SYNE3: variants seen among roughly 807,000 people sequenced by gnomAD.
The protein encoded by SYNE3 is nesprin-3.
A neutral mutation model predicts 111.2 loss-of-function variants in SYNE3; 100 were observed. That is an observed-to-expected ratio of 0.90 (90% CI 0.77 to 1.06). The LOEUF (loss-of-function observed/expected upper bound fraction) is 1.06. Among genes scored for constraint, SYNE3 ranks in the 50% least tolerant of loss-of-function variants. The pLI is 0.00. For synonymous variants in SYNE3, 547 were observed against 533.9 expected (o/e 1.02, Z -0.34); for missense variants, 1,160 against 1,240.3 (o/e 0.94, Z 0.97).
intron 17 of SYNE3, among the ~76,000 whole-genome samples, chr14:95,430,174 G>C (rs770667847): frequency 2.4e-4 from 36 of 152,204 alleles, no homozygotes; most frequent in Non-Finnish European, 4.3e-4. Flanking sequence ...CTATGTGCTA[G>C]GCACCATGGC....
chr14:95,419,107 T>TG (rs1753002191), intron 17 of SYNE3, among the ~76,000 whole-genome samples: 1 of 152,240 alleles, frequency 6.6e-6, no homozygotes, highest in Admixed American at 6.5e-5. Flanking sequence ...CTGGAGGGAC[T>TG]GGCCAGGTTG....
rs1279290612 is a variant in SYNE3, at chr14:95,457,320, C to T, written c.646G>A (p.Glu216Lys). The T allele has an allele frequency of 5.6e-6, 9 of 1,611,134 alleles. No individual in the cohort carries two copies. Among genetic ancestry groups the T allele is most frequent in the Non-Finnish European group, 7.6e-6 (9 of 1,178,522 alleles). The change falls in exon 5 of 18, where the codon GAG (glutamate) becomes AAG (lysine). Residue 216 changes from glutamate to lysine, a missense_variant. Physicochemically the swap from Glu to Lys is moderately conservative, Grantham distance 56. Coordinates refer to ENST00000682763, the MANE Select transcript of SYNE3 (RefSeq NM_152592.6). ...AKAQKRVDLL[E>K]QVAREHEEYQ... ...TCCTCATGCTCCCGGGCCACCTGCT[C>T]CAGCAGATCTACACGCTTCTGTGGG...
intron 17 of SYNE3, among the ~76,000 whole-genome samples, chr14:95,430,553 G>A (rs1318294913): frequency 1.3e-5 from 2 of 152,246 alleles, no homozygotes; most frequent in Non-Finnish European, 2.9e-5. Flanking sequence ...GCTGGGTGCA[G>A]TGGCTCATGC....
chr14:95,516,435 C>A (rs1010366521), intron 1 of SYNE3, among the ~76,000 whole-genome samples, 161 bp downstream of exon 1: 2 of 152,000 alleles, frequency 1.3e-5, no homozygotes, highest in East Asian at 1.9e-4. Context: ...GGGGCCCCCG[C>A]CCCCGCGCCG....
intron 1 of SYNE3, among the ~76,000 whole-genome samples, chr14:95,507,151 T>C (rs1210913947): frequency 6.6e-6 from 1 of 152,194 alleles, no homozygotes; most frequent in Non-Finnish European, 1.5e-5. Flanking sequence ...GGGTCCTTCC[T>C]GGTGCCCCGC....
intron 1 of SYNE3, among the ~76,000 whole-genome samples, chr14:95,477,557 G>GC (rs1375083861): frequency 6.6e-6 from 1 of 152,198 alleles, no homozygotes; most frequent in Non-Finnish European, 1.5e-5. Context: ...CCCAGGCCCT[G>GC]CACGGGGCCA....
At position 95,440,203 on chromosome 14, in the gene SYNE3, A is replaced by G. The variant is rs1235347606; in HGVS notation, c.1912-128T>C. The G allele has an allele frequency of 4.7e-6, 5 of 1,064,120 alleles. No homozygotes were observed. In the Admixed American group the frequency reaches 1.0e-4, roughly 22 times the overall value. The allele number at this position is 1,064,120 out of a possible 1,614,324, so 65.9% of individuals were successfully genotyped here. A position where few individuals can be genotyped will look rare whatever the true frequency, so the allele number is the denominator to read the frequency against. On this transcript the variant is annotated intron_variant, in intron 11 of 17. Coordinates refer to ENST00000682763, the MANE Select transcript of SYNE3 (RefSeq NM_152592.6). ...CCAGGGCTCCCCACCAAGTAGCACC[A>G]CAAGAGGCTGGGCTGGCCCTTCCCT...
intron 1 of SYNE3, among the ~76,000 whole-genome samples, chr14:95,492,621 G>A (rs1355856672): frequency 6.6e-6 from 1 of 152,148 alleles, no homozygotes; most frequent in Non-Finnish European, 1.5e-5. Flanking sequence ...AGGTGGGAGG[G>A]TTGGGAGTTG....
chr14:95,468,201 T>A (rs561985348), intron 2 of SYNE3, among the ~76,000 whole-genome samples: 1 of 152,180 alleles, frequency 6.6e-6, no homozygotes, highest in African/African-American at 2.4e-5. Context: ...GATGAATGGC[T>A]CTCTCCTTCC....
At chr14:95,439,495 G>T in intron 13 of SYNE3, 117 bp downstream of exon 13, 3 of 1,375,610 alleles carry the variant, frequency 2.2e-6, no homozygotes, top group Non-Finnish European at 3.0e-6. Context: ...GGTGCCCACG[G>T]CCCCTGGCTC....
At chr14:95,498,029 TAAA>T in intron 1 of SYNE3, among the ~76,000 whole-genome samples, 1 of 135,328 alleles carries the variant, frequency 7.4e-6, no homozygotes, top group African/African-American at 2.7e-5. Flanking sequence ...TCCCAACTCT[TAAA>T]AAAAAAAAAA....
At position 95,409,016 on chromosome 14, in the gene SYNE3, G is replaced by C. The variant is rs997279000; in HGVS notation, c.*8810C>G. The C allele has an allele frequency of 1.0e-5, 4 of 394,334 alleles. No homozygotes were observed. Among genetic ancestry groups the C allele is most frequent in the Non-Finnish European group, 2.1e-5 (4 of 194,466 alleles). The allele number at this position is 394,334 out of a possible 1,614,324, so 24.4% of individuals were successfully genotyped here. ...TCAACGGACTTCCCCGCAGGAGTGG[G>C]CACAGGAGGAAAGCAGCATGCTGCC... On this transcript the variant is annotated 3_prime_UTR_variant, in exon 18 of 18. Transcript: ENST00000682763.
chr14:95,448,586 G>T (rs1886857521), intron 8 of SYNE3, among the ~76,000 whole-genome samples: 1 of 152,226 alleles, frequency 6.6e-6, no homozygotes, highest in Admixed American at 6.5e-5. Context: ...TACTTGGGAG[G>T]CTGAGGCAGG....
At chr14:95,516,328 T>TC (rs1000387779) in intron 1 of SYNE3, 1 of 151,744 alleles carries the variant, frequency 6.6e-6, no homozygotes, top group African/African-American at 2.4e-5. Context: ...CGGCCGAAGC[T>TC]CCCCGGGGTT....
chr14:95,475,895 C>T (rs188428425), intron 1 of SYNE3, 60 bp from the exon 2 acceptor site: 243 of 1,357,408 alleles, frequency 1.8e-4, no homozygotes, highest in Non-Finnish European at 2.3e-4. Flanking sequence ...GCAAAAAGAC[C>T]CCCGGCAGGA....
Position 95,411,778 on chromosome 14 carries a change from G to C in SYNE3, c.*6048C>G, listed in dbSNP as rs1462729285. ...TGACAGCCACAGGCACAGCCTCCCT[G>C]GGGGGGTCCCTCAGCTCCTCTCCTC... On this transcript the variant is annotated 3_prime_UTR_variant, in exon 18 of 18. Coordinates refer to ENST00000682763, the MANE Select transcript of SYNE3 (RefSeq NM_152592.6). The C allele has an allele frequency of 1.6e-4, 2 of 12,670 alleles. No homozygotes were observed. Among genetic ancestry groups the C allele is most frequent in the African/African-American group, 4.0e-4 (2 of 5,056 alleles). 0.8% of individuals were successfully genotyped at this position (12,670 alleles called of 1,614,324 possible). A position where few individuals can be genotyped will look rare whatever the true frequency, so the allele number is the denominator to read the frequency against.
At chr14:95,511,575 C>T (rs1000710895) in intron 1 of SYNE3, among the ~76,000 whole-genome samples, 1 of 151,826 alleles carries the variant, frequency 6.6e-6, no homozygotes, top group Non-Finnish European at 1.5e-5. Flanking sequence ...ATTAGCTGGG[C>T]ATGGTGGCAT....
intron 17 of SYNE3, among the ~76,000 whole-genome samples, chr14:95,419,243 A>G (rs529842906): frequency 1.9e-4 from 29 of 152,256 alleles, no homozygotes; most frequent in African/African-American, 6.7e-4. Flanking sequence ...ATCCTAGCAG[A>G]CTGGGTCCCC....
chr14:95,485,491 A>T lies in SYNE3; in HGVS notation c.-14-9656T>A, dbSNP rs990060620. Among the ~76,000 whole-genome samples the T allele has an allele frequency of 6.6e-6, 1 of 152,074 alleles. No individual in the cohort carries two copies. The highest frequency in any genetic ancestry group is 2.4e-5 in the African/African-American group (1 of 41,406). On this transcript the variant is annotated intron_variant, in intron 1 of 17. Coordinates refer to ENST00000682763, the MANE Select transcript of SYNE3 (RefSeq NM_152592.6). The surrounding 1 kb of genome is among the most constrained non-coding windows in gnomAD (Gnocchi z 4.3). ...AACTGAGAGAGTCGGCTGCTCCCCGACCAAAGACAGGACGCCCTAACCTAC... is the reference window on the plus strand; with the variant it reads ...AACTGAGAGAGTCGGCTGCTCCCCGTCCAAAGACAGGACGCCCTAACCTAC...
Sources: gnomAD v4.1 joint callset for allele counts (sites outside exome capture counted in the v4.1 genomes callset) on GRCh38, gnomAD v4.1.1 for gene constraint, Gnocchi (gnomAD v3.1) non-coding constraint, MANE v1.5 for transcripts, NCBI Gene and HGNC (gene_info 2026-07-23, HGNC 2026-07-21) for gene names.